Variants in DLGAP2 observed in about 807,000 individuals in gnomAD.
The protein encoded by DLGAP2 is DLG associated protein 2.
A neutral mutation model predicts 100.3 loss-of-function variants in DLGAP2; 26 were observed. The observed-to-expected ratio is 0.26, with a 90% CI of 0.19 to 0.36. The LOEUF (loss-of-function observed/expected upper bound fraction) is 0.36, where lower values mean the gene tolerates loss of function less well. DLGAP2 is among the 10% of genes least tolerant of loss of function. The probability of loss-of-function intolerance (pLI) is 1.00; values close to 1 mark genes in which losing one functional copy is unlikely to be tolerated. For synonymous variants in DLGAP2, 886 were observed against 630.1 expected (o/e 1.41, Z -6.08); for missense variants, 1,858 against 1,453.2 (o/e 1.28, Z -4.53).
intron 7 of DLGAP2, 100 bp downstream of exon 7, chr8:1,626,987 G>A (rs1472296321): frequency 2.8e-6 from 4 of 1,425,682 alleles, no homozygotes; most frequent in Non-Finnish European, 3.8e-6. Context: ...TGCCCTCCTG[G>A]TCAGCAGCAC....
intron 2 of DLGAP2, among the ~76,000 whole-genome samples, chr8:1,045,138 G>T (rs1802481046): frequency 6.6e-6 from 1 of 152,290 alleles, no homozygotes; most frequent in Non-Finnish European, 1.5e-5. Flanking sequence ...AGAAACCCTG[G>T]TCTAGACTTC....
chr8:1,413,421 G>A (rs1796790281), intron 3 of DLGAP2, among the ~76,000 whole-genome samples: 1 of 152,056 alleles, frequency 6.6e-6, no homozygotes, highest in South Asian at 2.1e-4. Flanking sequence ...GCATAAAAAA[G>A]ACTTTCAAAG....
chr8:1,053,961 G>C (rs1802798243), intron 2 of DLGAP2, among the ~76,000 whole-genome samples: 1 of 152,032 alleles, frequency 6.6e-6, no homozygotes, highest in Non-Finnish European at 1.5e-5. Flanking sequence ...ACTTTTATTT[G>C]GGTCTTTTTG....
rs1265198973 is a variant in DLGAP2, at chr8:737,652, G to C, written c.-156G>C. 5.7e-6 allele frequency: 2 copies of C among 353,724 alleles called. No homozygotes were observed. The highest frequency in any genetic ancestry group is 4.3e-5 in the African/African-American group (2 of 46,592). The allele number at this position is 353,724 out of a possible 1,614,324, so 21.9% of individuals were successfully genotyped here. On this transcript the variant is annotated 5_prime_UTR_variant, in exon 1 of 15. Transcript: ENST00000637795. ...AAGACCGACCGTGCGCCGGGCTCGA[G>C]CGCGGTCTGAGCGCGCGGCGCCTGC... is the stretch of plus-strand genomic sequence containing the variant.
chr8:1,195,846 G>C (rs1465253444), intron 2 of DLGAP2, among the ~76,000 whole-genome samples: 1 of 152,184 alleles, frequency 6.6e-6, no homozygotes, highest in African/African-American at 2.4e-5. Context: ...GATACGTTCT[G>C]CGAAAACGCT....
At chr8:1,090,718 GGTTT>G (rs1247975634) in intron 2 of DLGAP2, among the ~76,000 whole-genome samples, 3 of 152,124 alleles carry the variant, frequency 2.0e-5, no homozygotes, top group Non-Finnish European at 4.4e-5. Flanking sequence ...GGCACCCTGG[GGTTT>G]GTTTTCTGTT....
intron 3 of DLGAP2, among the ~76,000 whole-genome samples, chr8:1,443,652 C>A (rs117461197): frequency 4.6e-5 from 7 of 152,192 alleles, no homozygotes; most frequent in Admixed American, 3.9e-4. Context: ...AAAGTCACAT[C>A]TTACATGGTG....
chr8:916,378 G>A (rs949608304), intron 2 of DLGAP2, among the ~76,000 whole-genome samples: 4 of 152,142 alleles, frequency 2.6e-5, no homozygotes, highest in Non-Finnish European at 5.9e-5. Flanking sequence ...TCCTTTTTAG[G>A]GACGTGGATG....
chr8:978,580 G>A (rs1309535200), intron 2 of DLGAP2, among the ~76,000 whole-genome samples: 2 of 141,716 alleles, frequency 1.4e-5, no homozygotes, highest in East Asian at 2.2e-4. Flanking sequence ...GGAGGGCGTC[G>A]GGGATGCAGT....
Position 1,249,424 on chromosome 8 carries a change from A to G in DLGAP2, c.74-9427A>G, listed in dbSNP as rs138303062. On this transcript the variant is annotated intron_variant, in intron 2 of 14. Transcript: ENST00000637795. ...GGTGTTTCTGAACTACTGAGGCCTA[A>G]ATACAACTTTCTTCTGTTTCTCTGC... is the stretch of plus-strand genomic sequence containing the variant. Among the ~76,000 whole-genome samples the G allele has an allele frequency of 4.7e-3, 714 of 152,282 alleles. 6 individuals carry two copies. The highest frequency in any genetic ancestry group is 0.018 in the South Asian group (87 of 4,820).
At chr8:1,512,496 G>C (rs11774465) in intron 4 of DLGAP2, among the ~76,000 whole-genome samples, 109,924 of 151,848 alleles carry the variant, frequency 0.72, 40,346 homozygotes, top group African/African-American at 0.82. Context: ...AGTCTAGCAT[G>C]GGAAAATCAC....
intron 2 of DLGAP2, among the ~76,000 whole-genome samples, chr8:1,032,359 C>A (rs953792660): frequency 2.0e-5 from 3 of 152,182 alleles, no homozygotes; most frequent in African/African-American, 2.4e-5. Context: ...GCCTGTCACT[C>A]GGCAGGACCT....
intron 8 of DLGAP2, among the ~76,000 whole-genome samples, chr8:1,634,361 A>G (rs1057112645): frequency 6.6e-6 from 1 of 152,220 alleles, no homozygotes; most frequent in Admixed American, 6.5e-5. Flanking sequence ...TCTGGCTCCC[A>G]GCAGGGCTTT....
At chr8:1,320,681 T>G (rs1297019989) in intron 3 of DLGAP2, among the ~76,000 whole-genome samples, 1 of 152,164 alleles carries the variant, frequency 6.6e-6, no homozygotes. Flanking sequence ...TCTCTTAGCT[T>G]TGAACCAGCT....
chr8:905,239 C>G (rs139542688), intron 1 of DLGAP2, among the ~76,000 whole-genome samples: 2 of 152,054 alleles, frequency 1.3e-5, no homozygotes, highest in Admixed American at 1.3e-4. Flanking sequence ...TGGGACCATC[C>G]GACGAGATCC....
intron 1 of DLGAP2, among the ~76,000 whole-genome samples, chr8:746,985 C>G (rs897434696): frequency 2.6e-5 from 4 of 152,170 alleles, no homozygotes; most frequent in Non-Finnish European, 4.4e-5. Flanking sequence ...GAAGACCTCC[C>G]CTCACATCTC....
At chr8:1,356,066 C>T (rs964800971) in intron 3 of DLGAP2, among the ~76,000 whole-genome samples, 1 of 152,214 alleles carries the variant, frequency 6.6e-6, no homozygotes, top group African/African-American at 2.4e-5. Flanking sequence ...GGGCGGCCCT[C>T]ACACTACGCC....
intron 1 of DLGAP2, chr8:822,287 C>G: frequency 2.5e-6 from 1 of 399,188 alleles, no homozygotes; most frequent in Non-Finnish European, 4.4e-6. Flanking sequence ...GGTGCTCCAC[C>G]CGGGGAGGGG....
At chr8:1,339,930 C>G (rs370063266) in intron 3 of DLGAP2, among the ~76,000 whole-genome samples, 2 of 152,180 alleles carry the variant, frequency 1.3e-5, no homozygotes, top group South Asian at 4.1e-4. Context: ...GGAAGCTGTG[C>G]AAACAGCTAG....
Sources: gnomAD v4.1 joint callset for allele counts (sites outside exome capture counted in the v4.1 genomes callset) on GRCh38, gnomAD v4.1.1 for gene constraint, MANE v1.5 for transcripts, NCBI Gene and HGNC (gene_info 2026-07-23, HGNC 2026-07-21) for gene names.